TMC1: variants seen among roughly 807,000 people sequenced by gnomAD.
TMC1 encodes transmembrane channel like 1, also known as transmembrane channel-like protein 1.
A neutral mutation model predicts 105.8 loss-of-function variants in TMC1; 84 were observed. That is an observed-to-expected ratio of 0.79 (90% CI 0.67 to 0.95). The LOEUF (loss-of-function observed/expected upper bound fraction) is 0.95. Among genes scored for constraint, TMC1 ranks in the 40% least tolerant of loss-of-function variants. The pLI, the probability that TMC1 is intolerant of heterozygous loss-of-function variation, is 0.00. For missense variants in TMC1, 817 were observed against 914.1 expected, an observed-to-expected ratio of 0.89 and a Z score of 1.37; for synonymous variants, 315 against 311.5, an observed-to-expected ratio of 1.01 and a Z score of -0.12.
At position 72,792,070 on chromosome 9, in the gene TMC1, G is replaced by A. The variant is rs1828280384; in HGVS notation, c.1404+5G>A. On this transcript the variant is annotated splice_donor_5th_base_variant and intron_variant, in intron 16 of 23. Coordinates refer to ENST00000297784, the MANE Select transcript of TMC1 (RefSeq NM_138691.3). ...ATGGATGAGATTAACAACAAGGTAA[G>A]CCTTGTTTCTGGATTGTCCTTGCCA... The A allele has an allele frequency of 2.5e-6, 4 of 1,613,772 alleles. No homozygotes were observed. Among genetic ancestry groups the A allele is most frequent in the African/African-American group, 2.7e-5 (2 of 74,900 alleles).
At chr9:72,678,993 C>A (rs533589256) in intron 5 of TMC1, among the ~76,000 whole-genome samples, 2 of 152,206 alleles carry the variant, frequency 1.3e-5, no homozygotes, top group South Asian at 4.1e-4. Flanking sequence ...CAACTCCCAT[C>A]CCACTGAAGT....
Position 72,603,521 on chromosome 9 carries a change from G to A in TMC1, c.-305-12847G>A, listed in dbSNP as rs991934577. On this transcript the variant is annotated intron_variant, in intron 2 of 23. Coordinates refer to ENST00000297784, the MANE Select transcript of TMC1 (RefSeq NM_138691.3). ...GCTCATCTCCTTAGAGAACCTTACCGTGTCAATGTTGCATTTAGTTTAGTT... is the reference window on the plus strand; with the variant it reads ...GCTCATCTCCTTAGAGAACCTTACCATGTCAATGTTGCATTTAGTTTAGTT... Among the ~76,000 whole-genome samples, 18 of 152,032 alleles carry A rather than the reference G, an allele frequency of 1.2e-4. No homozygotes were observed. The East Asian group carries it at 1.9e-3, about 16-fold the overall frequency.
intron 17 of TMC1, among the ~76,000 whole-genome samples, chr9:72,803,702 GA>G (rs1307350944): frequency 6.6e-6 from 1 of 152,206 alleles, no homozygotes; most frequent in African/African-American, 2.4e-5. Context: ...ACACCAGTCA[GA>G]ATGGTGATTA....
rs1828277009 is a variant in TMC1, at chr9:72,791,969, C to T, written c.1308C>T (p.Leu436=). The T allele has an allele frequency of 1.2e-6, 2 of 1,614,054 alleles. No homozygotes were observed. The highest frequency in any genetic ancestry group is 8.5e-7 in the Non-Finnish European group (1 of 1,179,954). ...CTGAATTAGAAGACTACCATCCTCT[C>T]ATCGCTTTGAAATGGCTACTGGGAC... is the stretch of plus-strand genomic sequence containing the variant. ...LFAELEDYHP[L]IALKWLLGRI... The change falls in exon 16 of 24, where the codon CTC becomes CTT. Residue 436 remains leucine, a synonymous_variant. Coordinates refer to ENST00000297784, the MANE Select transcript of TMC1 (RefSeq NM_138691.3).
At chr9:72,607,469 A>C (rs1824941538) in intron 2 of TMC1, among the ~76,000 whole-genome samples, 1 of 151,930 alleles carries the variant, frequency 6.6e-6, no homozygotes, top group African/African-American at 2.4e-5. Context: ...AATACAAAAA[A>C]TTAGCTGGGT....
In TMC1 at chr9:72,805,493, G is replaced by A. The variant is rs762371411; in HGVS notation, c.1678G>A (p.Asp560Asn). 6.2e-7 allele frequency: 1 copy of A among 1,612,706 alleles called. No individual in the cohort carries two copies. The highest frequency in any genetic ancestry group is 8.5e-7 in the Non-Finnish European group (1 of 1,179,606). ...VRFCNYCWCW[D>N]LEYGYPSYTE... ...GTTTTGCAATTATTGCTGGTGCTGG[G>A]ACTTGGAGTATGGATATGTAAGTAT... The change falls in exon 18 of 24, where the codon GAC becomes AAC. Residue 560 changes from aspartate (D) to asparagine (N), a missense_variant. Physicochemically the swap from Asp to Asn is conservative, Grantham distance 23 (BLOSUM62 1). Transcript: ENST00000297784.
chr9:72,800,702 C>T (rs1828455229), intron 17 of TMC1, among the ~76,000 whole-genome samples: 1 of 131,450 alleles, frequency 7.6e-6, no homozygotes. Context: ...TATTTTCTTA[C>T]TGCCATTTTA....
At chr9:72,663,751 GT>G (rs1306129485) in intron 5 of TMC1, among the ~76,000 whole-genome samples, 2 of 151,786 alleles carry the variant, frequency 1.3e-5, no homozygotes, top group Non-Finnish European at 2.9e-5. Flanking sequence ...CTTACTATAA[GT>G]TTTTTACTTT....
At chr9:72,735,760 G>T (rs1186540445) in intron 8 of TMC1, among the ~76,000 whole-genome samples, 1 of 152,112 alleles carries the variant, frequency 6.6e-6, no homozygotes, top group Non-Finnish European at 1.5e-5. Context: ...CTTCTTGAAG[G>T]CCTGTCACCT....
At chr9:72,724,310 G>A (rs1273218636) in intron 8 of TMC1, among the ~76,000 whole-genome samples, 1 of 152,174 alleles carries the variant, frequency 6.6e-6, no homozygotes, top group African/African-American at 2.4e-5. Flanking sequence ...ATCACATGGT[G>A]AGCAAGGACG....
chr9:72,831,310 A>C (rs946342832), intron 23 of TMC1, among the ~76,000 whole-genome samples: 1 of 152,130 alleles, frequency 6.6e-6, no homozygotes, highest in African/African-American at 2.4e-5. Context: ...CATTAGTAGG[A>C]CTGTTTCCCC....
chr9:72,769,508 A>G (rs1379053560), intron 12 of TMC1, among the ~76,000 whole-genome samples: 1 of 152,212 alleles, frequency 6.6e-6, no homozygotes, highest in Non-Finnish European at 1.5e-5. Flanking sequence ...AGATGTCCGC[A>G]TGTCTCCATC....
chr9:72,579,150 T>C (rs11143332), intron 2 of TMC1, among the ~76,000 whole-genome samples: 87,929 of 152,024 alleles, frequency 0.58, 27,109 homozygotes, highest in African/African-American at 0.81. Flanking sequence ...ATAACCTGCT[T>C]ATTTAACTTT....
chr9:72,612,053 A>T (rs971605107), intron 2 of TMC1, among the ~76,000 whole-genome samples: 2 of 152,088 alleles, frequency 1.3e-5, no homozygotes, highest in African/African-American at 4.8e-5. Context: ...GAGCACTTGC[A>T]TGAGCTTGCA....
intron 1 of TMC1, among the ~76,000 whole-genome samples, chr9:72,548,480 A>G (rs993381651): frequency 2.0e-5 from 3 of 152,030 alleles, no homozygotes; most frequent in African/African-American, 7.2e-5. Flanking sequence ...AGGCTGAGGC[A>G]GGAGAACTGC....
intron 1 of TMC1, among the ~76,000 whole-genome samples, chr9:72,545,718 C>T (rs1227627628): frequency 1.3e-5 from 2 of 152,034 alleles, no homozygotes; most frequent in African/African-American, 4.8e-5. Context: ...GAATGCCTGA[C>T]CTCAAGTGAT....
intron 5 of TMC1, among the ~76,000 whole-genome samples, chr9:72,673,255 A>T (rs888894313): frequency 6.6e-6 from 1 of 152,100 alleles, no homozygotes; most frequent in African/African-American, 2.4e-5. Flanking sequence ...AGAAAAGAAG[A>T]TCTCAAGCCA....
chr9:72,651,648 T>G (rs1329326868), intron 5 of TMC1: 1 of 152,144 alleles, frequency 6.6e-6, no homozygotes, highest in African/African-American at 2.4e-5. Flanking sequence ...ATAGAAATAC[T>G]AGTATTTGGT....
chr9:72,720,121 GT>G (rs1826996044), intron 8 of TMC1, among the ~76,000 whole-genome samples: 1 of 152,106 alleles, frequency 6.6e-6, no homozygotes, highest in Admixed American at 6.6e-5. Flanking sequence ...TTCAAGGTAG[GT>G]TTTACTATTT....
Sources: allele counts gnomAD v4.1 joint callset (sites outside exome capture counted in the v4.1 genomes callset), GRCh38; gene constraint gnomAD v4.1.1; transcripts MANE v1.5; gene names NCBI Gene and HGNC (gene_info 2026-07-23, HGNC 2026-07-21).